PARD3B: variants seen among roughly 807,000 people sequenced by gnomAD.
PARD3B encodes the protein partitioning defective 3 homolog B.
PARD3B carries 103 observed loss-of-function variants against 130.2 expected under a neutral mutation model. That is an observed-to-expected ratio of 0.79 (90% CI 0.67 to 0.93). The LOEUF (loss-of-function observed/expected upper bound fraction) is 0.93. Ranked by LOEUF, PARD3B falls within the 40% of genes least tolerant of loss-of-function variation. The pLI is 0.00. For missense variants in PARD3B, 1,609 were observed against 1,499.2 expected (o/e 1.07, Z -1.21); for synonymous variants, 583 against 553.2 (o/e 1.05, Z -0.76).
Position 205,230,585 on chromosome 2 carries a change from A to C in PARD3B, c.2141-15193A>C, listed in dbSNP as rs1199214490. Among the ~76,000 whole-genome samples the C allele has an allele frequency of 6.6e-6, 1 of 152,094 alleles. No homozygotes were observed. Among genetic ancestry groups the C allele is most frequent in the African/African-American group, 2.4e-5 (1 of 41,404 alleles). Reference sequence around the variant, plus strand: ...AGTCTCTCCTGGAGCCGTGAGCTGCACTGCCTGGGGTTGGGGGAGGAGTGG... The same window carrying C: ...AGTCTCTCCTGGAGCCGTGAGCTGCCCTGCCTGGGGTTGGGGGAGGAGTGG... On this transcript the variant is annotated intron_variant, in intron 15 of 22. Transcript: ENST00000406610. The surrounding 1 kb of genome is among the most constrained non-coding windows in gnomAD (Gnocchi z 4.1).
rs1423398587 is a variant in PARD3B, at chr2:205,419,580, G to C, written c.2741+18457G>C. On this transcript the variant is annotated intron_variant, in intron 19 of 22. Transcript: ENST00000406610. ...ATTGACATAGATAAGGCAGACCCCAGACTGCCAGAAAAAAACAAGTTCCAT... is the reference window on the plus strand; with the variant it reads ...ATTGACATAGATAAGGCAGACCCCACACTGCCAGAAAAAAACAAGTTCCAT... 3.3e-5 allele frequency among the ~76,000 whole-genome samples: 5 copies of C among 152,110 alleles called. No individual in the cohort carries two copies. The East Asian group carries it at 7.7e-4, about 24-fold the overall frequency.
chr2:205,113,393 G>GGTGTGTGTGT (rs3217407), intron 5 of PARD3B, 98 bp from the exon 6 acceptor site: 104 of 571,682 alleles, frequency 1.8e-4, no homozygotes, highest in African/African-American at 5.1e-4. Flanking sequence ...CCTGAGCAGG[G>GGTGTGTGTGT]GTGTGTGTGT....
chr2:205,306,276 G>C (rs1265126170), intron 18 of PARD3B, among the ~76,000 whole-genome samples: 2 of 152,146 alleles, frequency 1.3e-5, no homozygotes, highest in Non-Finnish European at 2.9e-5. Context: ...TTGAACCACT[G>C]TTTGTTGTAA....
At chr2:205,412,062 A>G (rs1017750877) in intron 19 of PARD3B, among the ~76,000 whole-genome samples, 4 of 152,176 alleles carry the variant, frequency 2.6e-5, no homozygotes, top group Non-Finnish European at 5.9e-5. Context: ...TAATATTTGG[A>G]ATCCAGTCTT....
At chr2:205,054,434 ATATTTTTTTTTTT>A (rs1163725743) in intron 4 of PARD3B, among the ~76,000 whole-genome samples, 5 of 29,480 alleles carry the variant, frequency 1.7e-4, no homozygotes, top group South Asian at 2.3e-3. Flanking sequence ...ATATATATAT[ATATTTTTTTTTTT>A]TTTTTTTTTT....
At chr2:205,204,332 G>T (rs2037163170) in intron 15 of PARD3B, among the ~76,000 whole-genome samples, 1 of 152,152 alleles carries the variant, frequency 6.6e-6, no homozygotes, top group Non-Finnish European at 1.5e-5. Context: ...TAAGTTCCTT[G>T]TAGATTCTGG....
In PARD3B at chr2:205,301,886, T is replaced by C; in HGVS notation, c.2630+185T>C. The C allele has an allele frequency of 1.1e-6, 1 of 894,324 alleles. No individual in the cohort carries two copies. Among genetic ancestry groups the C allele is most frequent in the South Asian group, 1.3e-5 (1 of 74,202 alleles). The allele number at this position is 894,324 out of a possible 1,614,324, so 55.4% of individuals were successfully genotyped here. On this transcript the variant is annotated intron_variant, in intron 18 of 22. Coordinates refer to ENST00000406610, the MANE Select transcript of PARD3B (RefSeq NM_001302769.2). The surrounding 1 kb of genome is among the most constrained non-coding windows in gnomAD (Gnocchi z 5.2). ...AGGAGCTTTTTGGGGAAAGTTACAG[T>C]GATGACAGGACACTGTCTTAAGTTT...
chr2:205,339,788 T>G (rs2043450291), intron 18 of PARD3B, among the ~76,000 whole-genome samples: 1 of 152,106 alleles, frequency 6.6e-6, no homozygotes, highest in African/African-American at 2.4e-5. Flanking sequence ...ACCGGGATGG[T>G]GACCAATTTT....
At chr2:204,665,625 G>A (rs980267996) in intron 1 of PARD3B, among the ~76,000 whole-genome samples, 1 of 152,178 alleles carries the variant, frequency 6.6e-6, no homozygotes, top group Non-Finnish European at 1.5e-5. Flanking sequence ...CTCAGGGAGT[G>A]TGTAAAATCT....
At position 205,281,100 on chromosome 2, in the gene PARD3B, AC is replaced by A. The variant is rs2041169073; in HGVS notation, c.2186-19429del. Among the ~76,000 whole-genome samples the A allele has an allele frequency of 6.6e-6, 1 of 152,190 alleles. No homozygotes were observed. The highest frequency in any genetic ancestry group is 1.5e-5 in the Non-Finnish European group (1 of 68,038). On this transcript the variant is annotated intron_variant, in intron 16 of 22. Transcript: ENST00000406610. This position sits in a 1 kb window ranked among gnomAD's most constrained non-coding sequence, Gnocchi z 4.2. ...ATGGCAACAATATTTAGGGCTTCTT[AC>A]ATTAGAGTGGCTGCTGGGCTGCTGG... is the stretch of plus-strand genomic sequence containing the variant.
At chr2:205,048,726 A>G (rs1045241135) in intron 4 of PARD3B, 2 of 152,190 alleles carry the variant, frequency 1.3e-5, no homozygotes, top group African/African-American at 2.4e-5. Flanking sequence ...AGGAGTCACT[A>G]TTTGAAATCA....
chr2:204,692,501 CT>C (rs5837933), intron 2 of PARD3B, among the ~76,000 whole-genome samples: 110,460 of 149,222 alleles, frequency 0.74, 41,703 homozygotes, highest in Middle Eastern at 0.83. Context: ...AGTTAAACAG[CT>C]TTTTTTTTTT....
Position 205,354,828 on chromosome 2 carries a change from A to T in PARD3B, c.2631-46185A>T, listed in dbSNP as rs1237832047. On this transcript the variant is annotated intron_variant, in intron 18 of 22. Coordinates refer to ENST00000406610, the MANE Select transcript of PARD3B (RefSeq NM_001302769.2). ...GGCTGTGAAGTTGAAATGGGGAGGG[A>T]GGTAAACCTTATGCAGGTTGTTATA... Among the ~76,000 whole-genome samples the T allele has an allele frequency of 2.6e-5, 4 of 152,276 alleles. No homozygotes were observed. In the East Asian group the frequency reaches 7.7e-4, roughly 29 times the overall value.
chr2:205,488,485 G>A (rs1417492910), intron 20 of PARD3B, among the ~76,000 whole-genome samples: 1 of 152,108 alleles, frequency 6.6e-6, no homozygotes, highest in East Asian at 1.9e-4. Context: ...TTTATGGCCT[G>A]GGGGTTGGTG....
chr2:205,148,703 G>C (rs2033539655), intron 10 of PARD3B, among the ~76,000 whole-genome samples: 1 of 151,592 alleles, frequency 6.6e-6, no homozygotes, highest in African/African-American at 2.4e-5. Context: ...TATGGCTTTT[G>C]CTTTATATAT....
intron 20 of PARD3B, among the ~76,000 whole-genome samples, chr2:205,472,030 G>A (rs941806636): frequency 2.6e-5 from 4 of 152,090 alleles, no homozygotes; most frequent in Admixed American, 2.0e-4. Flanking sequence ...TGTGTTTGAG[G>A]GCTCTTTTGT....
intron 2 of PARD3B, among the ~76,000 whole-genome samples, chr2:204,962,404 C>G (rs1480511452): frequency 6.6e-6 from 1 of 152,056 alleles, no homozygotes; most frequent in Non-Finnish European, 1.5e-5. Flanking sequence ...CTAAGCGAAA[C>G]CTTAACACAA....
chr2:204,824,846 C>T (rs575431994), intron 2 of PARD3B, among the ~76,000 whole-genome samples: 4 of 152,292 alleles, frequency 2.6e-5, no homozygotes, highest in Admixed American at 6.5e-5. Context: ...AATGAAGACG[C>T]TGGCCCACCT....
chr2:205,570,476 T>C (rs1044313869), intron 22 of PARD3B, among the ~76,000 whole-genome samples: 1 of 152,228 alleles, frequency 6.6e-6, no homozygotes, highest in Admixed American at 6.5e-5. Context: ...GTGAAGGGTA[T>C]CTTCAATATC....
Sources: gnomAD v4.1 joint callset for allele counts (sites outside exome capture counted in the v4.1 genomes callset) on GRCh38, gnomAD v4.1.1 for gene constraint, Gnocchi (gnomAD v3.1) non-coding constraint, MANE v1.5 for transcripts, NCBI Gene and HGNC (gene_info 2026-07-23, HGNC 2026-07-21) for gene names.